Variants in NUMB observed in about 807,000 individuals in gnomAD.
The protein encoded by NUMB is NUMB endocytic adaptor protein.
Under a neutral mutation model 59.7 loss-of-function variants are expected in NUMB, and 29 were observed. The observed-to-expected ratio is 0.49, with a 90% CI of 0.36 to 0.66. NUMB has a LOEUF of 0.66. Among genes scored for constraint, NUMB ranks in the 30% least tolerant of loss-of-function variants. The pLI, the probability that NUMB is intolerant of heterozygous loss-of-function variation, is 0.00. For missense variants in NUMB, 723 were observed against 822.0 expected, an observed-to-expected ratio of 0.88 and a Z score of 1.47; for synonymous variants, 288 against 288.2, an observed-to-expected ratio of 1.00 and a Z score of 0.01.
At chr14:73,288,235 G>A (rs1326501716) in intron 8 of NUMB, among the ~76,000 whole-genome samples, 1 of 151,590 alleles carries the variant, frequency 6.6e-6, no homozygotes, top group Non-Finnish European at 1.5e-5. Flanking sequence ...ATAACACAGT[G>A]AGACTCTGTC....
At chr14:73,311,577 AAAG>A (rs1004334444) in intron 6 of NUMB, among the ~76,000 whole-genome samples, 9 of 152,282 alleles carry the variant, frequency 5.9e-5, no homozygotes, top group Non-Finnish European at 1.2e-4. Context: ...AACTTCCGGA[AAAG>A]AAGGTTTTCC....
At chr14:73,350,546 CT>C (rs1438440611) in intron 4 of NUMB, among the ~76,000 whole-genome samples, 6 of 151,228 alleles carry the variant, frequency 4.0e-5, no homozygotes, top group Admixed American at 6.6e-5. Context: ...CCTTTACCTA[CT>C]TTTTTTTCTT....
At position 73,277,347 on chromosome 14, in the gene NUMB, C is replaced by T. The variant is rs965087651; in HGVS notation, c.1241-54G>A. 16 of 1,319,760 alleles carry T rather than the reference C, an allele frequency of 1.2e-5. No individual in the cohort carries two copies. In the African/African-American group the frequency reaches 1.8e-4, roughly 15 times the overall value. The allele number at this position is 1,319,760 out of a possible 1,614,324, so 81.8% of individuals were successfully genotyped here. A position where few individuals can be genotyped will look rare whatever the true frequency, so the allele number is the denominator to read the frequency against. ...AATCAGTTAGGGGCATCTTTCCTCA[C>T]CTTATAATCTTGGTTATTTGAATGA... On this transcript the variant is annotated intron_variant, in intron 12 of 12. Transcript: ENST00000555238.
Position 73,277,143 on chromosome 14 carries a change from T to TGCAGAGGA in NUMB, c.1383_1390dup (p.Gln464LeufsTer132). The TGCAGAGGA allele has an allele frequency of 6.2e-7, 1 of 1,613,992 alleles. No individual in the cohort carries two copies. Among genetic ancestry groups the TGCAGAGGA allele is most frequent in the Non-Finnish European group, 8.5e-7 (1 of 1,179,988 alleles). ...GGGTGGAGGAGGCTGGAGAACTGGC[T>TGCAGAGGA]GCAGAGGAGCAGCTGAGGCCTGGGG... On this transcript the variant is annotated frameshift_variant, in exon 13 of 13. Coordinates refer to ENST00000555238, the MANE Select transcript of NUMB (RefSeq NM_001005743.2). LOFTEE classifies it high-confidence loss of function.
chr14:73,453,167 T>C (rs1336052316), intron 1 of NUMB, among the ~76,000 whole-genome samples: 2 of 152,196 alleles, frequency 1.3e-5, no homozygotes, highest in Non-Finnish European at 2.9e-5. Context: ...AGTTTCTCTC[T>C]TGTTGCCCAG....
In NUMB at chr14:73,276,597, G is replaced by A. The variant is rs1473856864; in HGVS notation, c.1937C>T (p.Thr646Met). 9.3e-6 allele frequency: 15 copies of A among 1,612,386 alleles called. No homozygotes were observed. The highest frequency in any genetic ancestry group is 2.7e-5 in the African/African-American group (2 of 74,868). ...TNPFSSDLQK[T>M]FEIEL ...GATTGCTTAAAGTTCAATTTCAAAC[G>A]TCTTCTGTAAGTCACTGGAGAAAGG... Residue 646 changes from threonine (T) to methionine (M), a missense_variant, in exon 13 of 13, where the codon ACG becomes ATG. Thr to Met is a moderately conservative substitution (Grantham distance 81, BLOSUM62 -1). Around this residue, in one of 2 missense-constraint regions of NUMB, gnomAD observed 406 missense variants for 385.4 expected, o/e 1.05. Transcript: ENST00000555238.
At chr14:73,408,253 T>A (rs201018488) in intron 2 of NUMB, among the ~76,000 whole-genome samples, 3 of 7,084 alleles carry the variant, frequency 4.2e-4, no homozygotes, top group Non-Finnish European at 5.8e-4. Flanking sequence ...AGAAAAAACG[T>A]TAAGATATTT....
At chr14:73,303,488 G>A (rs576012874) in intron 6 of NUMB, among the ~76,000 whole-genome samples, 55 of 152,192 alleles carry the variant, frequency 3.6e-4, no homozygotes, top group African/African-American at 1.3e-3. Context: ...GCTGTGGCAG[G>A]AGAATTGCTT....
rs75598204 is a variant in NUMB, at chr14:73,339,103, T to C, written c.127-15899A>G. On this transcript the variant is annotated intron_variant, in intron 4 of 12. Coordinates refer to ENST00000555238, the MANE Select transcript of NUMB (RefSeq NM_001005743.2). ...GTGTACTACTTTAGGTCTTCTAGTA[T>C]TGTTAGGGCCATTTACGTACTGGAT... Among the ~76,000 whole-genome samples, 1,106 of 152,340 alleles carry C rather than the reference T, an allele frequency of 7.3e-3. 10 individuals carry two copies. Among genetic ancestry groups the C allele is most frequent in the African/African-American group, 0.026 (1,066 of 41,574 alleles).
At chr14:73,397,762 C>T (rs907816913) in intron 2 of NUMB, among the ~76,000 whole-genome samples, 5 of 152,176 alleles carry the variant, frequency 3.3e-5, no homozygotes, top group Admixed American at 1.3e-4. Flanking sequence ...AATATTCACA[C>T]ACATACATTC....
chr14:73,309,208 T>C (rs906941236), intron 6 of NUMB, among the ~76,000 whole-genome samples: 6 of 152,102 alleles, frequency 3.9e-5, no homozygotes, highest in Admixed American at 2.6e-4. Flanking sequence ...AGATGCACTT[T>C]TAAAGAATAG....
chr14:73,279,447 C>A (rs1222394861), intron 11 of NUMB, 23 bp from the exon 12 acceptor site: 1 of 1,553,416 alleles, frequency 6.4e-7, no homozygotes, highest in Non-Finnish European at 8.7e-7. Flanking sequence ...CAGACAACAT[C>A]AATGGAGTTA....
chr14:73,360,838 C>T (rs1566760918), intron 3 of NUMB, among the ~76,000 whole-genome samples: 1 of 151,724 alleles, frequency 6.6e-6, no homozygotes, highest in Non-Finnish European at 1.5e-5. Context: ...ATTTCCTTCA[C>T]AATTTATTTT....
chr14:73,454,794 T>C (rs899532561), intron 1 of NUMB, among the ~76,000 whole-genome samples: 1 of 152,188 alleles, frequency 6.6e-6, no homozygotes, highest in African/African-American at 2.4e-5. Context: ...GTCCACTTAT[T>C]AAAACCAGGT....
intron 9 of NUMB, 123 bp from the exon 10 acceptor site, chr14:73,284,497 A>T (rs1483924256): frequency 1.8e-5 from 14 of 789,168 alleles, no homozygotes; most frequent in Non-Finnish European, 2.6e-5. Flanking sequence ...GTCTCTTAAA[A>T]CATAAGTTAG....
At chr14:73,352,467 CACACACACACATAT>C (rs1893385175) in intron 4 of NUMB, among the ~76,000 whole-genome samples, 2 of 24,462 alleles carry the variant, frequency 8.2e-5, no homozygotes, top group Non-Finnish European at 1.7e-4. Context: ...CATACACACA[CACACACACACATAT>C]ATATATATAT....
At chr14:73,335,887 T>C (rs1219069971) in intron 4 of NUMB, among the ~76,000 whole-genome samples, 1 of 152,198 alleles carries the variant, frequency 6.6e-6, no homozygotes, top group African/African-American at 2.4e-5. Context: ...ATGCGCACAA[T>C]ACAGTAGCAA....
chr14:73,320,370 A>C (rs749575691), intron 5 of NUMB, among the ~76,000 whole-genome samples: 1 of 152,216 alleles, frequency 6.6e-6, no homozygotes, highest in Non-Finnish European at 1.5e-5. Flanking sequence ...TTTAGAAAAC[A>C]ATCACCAACA....
At chr14:73,350,078 T>C (rs113584123) in intron 4 of NUMB, among the ~76,000 whole-genome samples, 38,202 of 136,698 alleles carry the variant, frequency 0.28, 5,653 homozygotes, top group African/African-American at 0.39. Flanking sequence ...CATACATACA[T>C]ACACACACAC....
Sources: allele counts gnomAD v4.1 joint callset (sites outside exome capture counted in the v4.1 genomes callset), GRCh38; gene constraint gnomAD v4.1.1; regional missense constraint gnomAD v4.1.1; transcripts MANE v1.5; gene names NCBI Gene and HGNC (gene_info 2026-07-23, HGNC 2026-07-21).